The following PTCHD1 variants were observed in gnomAD, a reference collection of about 807,000 sequenced individuals.
PTCHD1 encodes the protein patched domain-containing protein 1.
A neutral mutation model predicts 34.6 loss-of-function variants in PTCHD1; 3 were observed. The observed-to-expected ratio is 0.09, with a 90% confidence interval of 0.04 to 0.22. The LOEUF (loss-of-function observed/expected upper bound fraction) is 0.22. Among genes scored for constraint, PTCHD1 ranks in the 10% least tolerant of loss-of-function variants. The pLI is 1.00. For synonymous variants in PTCHD1, 305 were observed against 283.1 expected, an observed-to-expected ratio of 1.08 and a Z score of -0.77; for missense variants, 504 against 685.5, an observed-to-expected ratio of 0.74 and a Z score of 2.96.
intron 1 of PTCHD1, among the ~76,000 whole-genome samples, chrX:23,336,630 G>A (rs745597907): frequency 1.7e-4 from 19 of 112,120 alleles, no homozygotes; most frequent in African/African-American, 5.5e-4. Context: ...CTTCCCACAT[G>A]GAGTGGCTCA....
chrX:23,382,142 A>C (rs1336032649), intron 2 of PTCHD1, among the ~76,000 whole-genome samples: 1 of 111,899 alleles, frequency 8.9e-6, no homozygotes, highest in Non-Finnish European at 1.9e-5. Context: ...AGCTAGAAAA[A>C]GGACAATCAG....
chrX:23,393,240 T>C lies in PTCHD1; in HGVS notation c.1722T>C (p.Asp574=). 8.3e-7 allele frequency: 1 copy of C among 1,208,899 alleles called. No individual in the cohort carries two copies. Among genetic ancestry groups the C allele is most frequent in the African/African-American group, 1.7e-5 (1 of 57,775 alleles). Residue 574 remains aspartate (D), a synonymous_variant, in exon 3 of 3, where the codon GAT becomes GAC. Transcript: ENST00000379361. ...IEYWNTSVQE[D]VLEYTKGFVR... is the part of the protein sequence containing the mutation. ...ACTGGAACACTAGTGTCCAAGAAGA[T>C]GTTCTAGAATACACCAAGGGGTTTG... is the stretch of plus-strand genomic sequence containing the variant.
At chrX:23,352,556 G>C (rs1007146866) in intron 1 of PTCHD1, among the ~76,000 whole-genome samples, 1 of 111,658 alleles carries the variant, frequency 9.0e-6, no homozygotes, top group Non-Finnish European at 1.9e-5. Context: ...CATTTGAATA[G>C]CTCATCAGAG....
At chrX:23,382,390 A>C (rs1922589408) in intron 2 of PTCHD1, among the ~76,000 whole-genome samples, 2 of 112,893 alleles carry the variant, frequency 1.8e-5, no homozygotes, top group African/African-American at 6.4e-5. Flanking sequence ...CAATATTTTA[A>C]ATTTCTTAAA....
chrX:23,377,581 T>G (rs1401564310), intron 1 of PTCHD1, among the ~76,000 whole-genome samples: 1 of 98,448 alleles, frequency 1.0e-5, no homozygotes, highest in East Asian at 3.8e-4. Context: ...TAGGGGTGTG[T>G]GTGTGTGTGT....
upstream of PTCHD1, chrX:23,334,502 C>A (rs1205891373): frequency 1.8e-5 from 2 of 108,998 alleles, no homozygotes; most frequent in African/African-American, 6.6e-5. Context: ...TGCCCCGGGC[C>A]CCGCCCGCGC....
At chrX:23,372,262 GT>G (rs1028530247) in intron 1 of PTCHD1, among the ~76,000 whole-genome samples, 1 of 109,829 alleles carries the variant, frequency 9.1e-6, no homozygotes, top group African/African-American at 3.3e-5. Context: ...GAGAACAGAA[GT>G]TTTTTAAGTG....
intron 2 of PTCHD1, among the ~76,000 whole-genome samples, chrX:23,388,905 G>A (rs1922753420): frequency 8.9e-6 from 1 of 111,879 alleles, no homozygotes; most frequent in African/African-American, 3.3e-5. Flanking sequence ...AAGTGGAGAG[G>A]AACAGAACCT....
At chrX:23,358,351 C>T (rs1921868855) in intron 1 of PTCHD1, among the ~76,000 whole-genome samples, 1 of 112,150 alleles carries the variant, frequency 8.9e-6, no homozygotes, top group African/African-American at 3.2e-5. Context: ...GATTGCCATT[C>T]TAACTGGTGT....
chrX:23,336,934 T>C (rs764749313), intron 1 of PTCHD1, among the ~76,000 whole-genome samples: 1 of 111,351 alleles, frequency 9.0e-6, no homozygotes, highest in Admixed American at 9.5e-5. Context: ...GATATTTCTC[T>C]TTTTGTGTTT....
At chrX:23,362,060 T>C (rs776158847) in intron 1 of PTCHD1, among the ~76,000 whole-genome samples, 26 of 112,309 alleles carry the variant, frequency 2.3e-4, no homozygotes, top group African/African-American at 7.8e-4. Context: ...TAACCCGACC[T>C]TTCTCTCTGG....
chrX:23,342,013 A>G, intron 1 of PTCHD1, among the ~76,000 whole-genome samples: 1 of 109,399 alleles, frequency 9.1e-6, no homozygotes, highest in East Asian at 2.8e-4. Context: ...AAAGGCTGAT[A>G]GGGGAGTGGG....
In PTCHD1 at chrX:23,350,060, T is replaced by TAAAAAAAAA. The variant is rs57194123; in HGVS notation, c.351+14855_351+14863dup. 1.5e-3 allele frequency among the ~76,000 whole-genome samples: 60 copies of TAAAAAAAAA among 40,410 alleles called. 3 individuals carry two copies. The highest frequency in any genetic ancestry group is 0.014 in the South Asian group (5 of 359). The allele number at this position is 40,410 out of a possible 115,157, so 35.1% of individuals were successfully genotyped here. Reference sequence around the variant, plus strand: ...CTAGGAAAGCTCCCTTTAGTGCTGTTAAAAAAAAAAAAAAAAAAAAAAAAA... The same window carrying TAAAAAAAAA: ...CTAGGAAAGCTCCCTTTAGTGCTGTTAAAAAAAAAAAAAAAAAAAAAAAAAAAAAAAAAA... On this transcript the variant is annotated intron_variant, in intron 1 of 2. Transcript: ENST00000379361.
chrX:23,342,296 ATATATATATATATATTTTTTTTT>A (rs1472200570), intron 1 of PTCHD1, among the ~76,000 whole-genome samples: 6 of 13,155 alleles, frequency 4.6e-4, no homozygotes, highest in African/African-American at 2.2e-3. Context: ...ATATATATAT[ATATATATATATATATTTTTTTTT>A]TTTTTTTTTT....
Position 23,396,270 on chromosome X carries a change from C to T in PTCHD1, c.*2085C>T, listed in dbSNP as rs1255273075. The T allele has an allele frequency of 8.9e-6, 1 of 111,986 alleles. No homozygotes were observed. Among genetic ancestry groups the T allele is most frequent in the East Asian group, 2.8e-4 (1 of 3,556 alleles). The allele number at this position is 111,986 out of a possible 1,213,427, so 9.2% of individuals were successfully genotyped here. A position where few individuals can be genotyped will look rare whatever the true frequency, so the allele number is the denominator to read the frequency against. On this transcript the variant is annotated 3_prime_UTR_variant, in exon 3 of 3. Coordinates refer to ENST00000379361, the MANE Select transcript of PTCHD1 (RefSeq NM_173495.3). ...TCTGCAGACACACTAAGTGATCATA[C>T]CAACGTGTTATACACTCAACTAGAA...
intron 1 of PTCHD1, among the ~76,000 whole-genome samples, chrX:23,354,371 T>TA (rs775985300): frequency 0.12 from 11,781 of 96,314 alleles, 1,995 homozygotes; most frequent in African/African-American, 0.42. Context: ...ACAAACAGAT[T>TA]AAAAAAAAAA....
rs1923119960 is a variant in PTCHD1 at position 23,401,379 on chromosome X, T to A, written c.*7194T>A. The A allele has an allele frequency of 8.9e-6, 1 of 111,957 alleles. No individual in the cohort carries two copies. Among genetic ancestry groups the A allele is most frequent in the Admixed American group, 9.4e-5 (1 of 10,599 alleles). The allele number at this position is 111,957 out of a possible 1,213,427, so 9.2% of individuals were successfully genotyped here. ...GCCTTTCAGATATTTATTCTTTAAA[T>A]TACCATCCTGTCAAAATTGCCTTTA... On this transcript the variant is annotated 3_prime_UTR_variant, in exon 3 of 3. Coordinates refer to ENST00000379361, the MANE Select transcript of PTCHD1 (RefSeq NM_173495.3).
chrX:23,392,070 C>CTTCCTTTTTTTTTTTTTTTTTT (rs1922848553), intron 2 of PTCHD1, among the ~76,000 whole-genome samples: 1 of 39,480 alleles, frequency 2.5e-5, no homozygotes, highest in African/African-American at 2.3e-4. Context: ...TTCTTTCTTT[C>CTTCCTTTTTTTTTTTTTTTTTT]TTTCTTTTTT....
chrX:23,345,226 T>C (rs1921443383), intron 1 of PTCHD1, among the ~76,000 whole-genome samples: 2 of 112,361 alleles, frequency 1.8e-5, no homozygotes, highest in African/African-American at 6.5e-5. Context: ...GCCTAGCTGG[T>C]TCTCTATCCC....
Sources: gnomAD v4.1 joint callset for allele counts (sites outside exome capture counted in the v4.1 genomes callset) on GRCh38, gnomAD v4.1.1 for gene constraint, MANE v1.5 for transcripts, NCBI Gene and HGNC (gene_info 2026-07-23, HGNC 2026-07-21) for gene names.